RBFOX1: variants seen among roughly 807,000 people sequenced by gnomAD.
The protein encoded by RBFOX1 is RNA binding protein fox-1 homolog 1.
Under a neutral mutation model 57.7 loss-of-function variants are expected in RBFOX1, and 8 were observed. The ratio of observed to expected loss-of-function variants is 0.14; its 90% CI spans 0.08 to 0.25. The LOEUF (loss-of-function observed/expected upper bound fraction) is 0.25, where lower values mean the gene tolerates loss of function less well. Among genes scored for constraint, RBFOX1 ranks in the 10% least tolerant of loss-of-function variants. The pLI, the probability that RBFOX1 is intolerant of heterozygous loss-of-function variation, is 1.00. For missense variants in RBFOX1, 611 were observed against 548.5 expected, an observed-to-expected ratio of 1.11 and a Z score of -1.14; for synonymous variants, 326 against 222.4, an observed-to-expected ratio of 1.47 and a Z score of -4.15.
chr16:6,487,673 TAAAAAAAAAAAAAAAAAAAAAA>T (rs777856402), intron 2 of RBFOX1, among the ~76,000 whole-genome samples: 6 of 38,754 alleles, frequency 1.5e-4, no homozygotes, highest in Admixed American at 2.9e-4. Flanking sequence ...GTGATATATG[TAAAAAAAAAAAAAAAAAAAAAA>T]AAAAAATATA....
intron 4 of RBFOX1, among the ~76,000 whole-genome samples, chr16:7,309,966 A>C (rs1401025416): frequency 2.0e-5 from 3 of 152,184 alleles, no homozygotes; most frequent in Non-Finnish European, 4.4e-5. Context: ...TCCATTCATC[A>C]ATAAAGTTTC....
At chr16:5,273,964 A>C (rs1225340684) in intron 1 of RBFOX1, among the ~76,000 whole-genome samples, 1 of 152,198 alleles carries the variant, frequency 6.6e-6, no homozygotes, top group South Asian at 2.1e-4. Flanking sequence ...CTGAATTTAC[A>C]GAAATAGGAA....
At chr16:7,159,317 T>C (rs72765534) in intron 4 of RBFOX1, among the ~76,000 whole-genome samples, 33,369 of 152,026 alleles carry the variant, frequency 0.22, 4,631 homozygotes, top group East Asian at 0.39. Flanking sequence ...GTCATGCCTA[T>C]CCCAGAGACA....
chr16:5,439,450 C>T (rs889589624), intron 1 of RBFOX1, among the ~76,000 whole-genome samples: 12 of 151,776 alleles, frequency 7.9e-5, no homozygotes, highest in African/African-American at 2.9e-4. Context: ...TCAGCTGTTG[C>T]AGCACTTCCA....
intron 5 of RBFOX1, 85 bp downstream of exon 5, chr16:7,518,474 T>A (rs2076853663): frequency 6.6e-7 from 1 of 1,505,856 alleles, no homozygotes; most frequent in African/African-American, 1.4e-5. Context: ...CACCCCCATC[T>A]ACCCAGGGAC....
At chr16:5,802,719 C>G (rs1278041290) in intron 3 of RBFOX1, among the ~76,000 whole-genome samples, 1 of 152,132 alleles carries the variant, frequency 6.6e-6, no homozygotes, top group Non-Finnish European at 1.5e-5. Context: ...TAACTAAAGC[C>G]CTTCTGGATT....
intron 3 of RBFOX1, among the ~76,000 whole-genome samples, chr16:6,895,444 GTGTGTATATATATATATATATATATA>G (rs1383431233): frequency 5.4e-5 from 4 of 73,458 alleles, no homozygotes; most frequent in Non-Finnish European, 7.6e-5. Context: ...GTGTGTGTGT[GTGTGTATATATATATATATATATATA>G]TATATATATA....
At chr16:6,486,388 A>C (rs1466334666) in intron 2 of RBFOX1, among the ~76,000 whole-genome samples, 1 of 149,856 alleles carries the variant, frequency 6.7e-6, no homozygotes, top group Non-Finnish European at 1.5e-5. Flanking sequence ...TGGTGAAATG[A>C]AAAGTCATCT....
intron 2 of RBFOX1, among the ~76,000 whole-genome samples, chr16:6,630,782 A>G (rs538196056): frequency 1.3e-5 from 2 of 152,184 alleles, no homozygotes; most frequent in South Asian, 2.1e-4. Flanking sequence ...ATTGTAGTTG[A>G]CCTATGTTAC....
At chr16:7,058,676 C>G (rs1172524686) in intron 4 of RBFOX1, among the ~76,000 whole-genome samples, 1 of 152,028 alleles carries the variant, frequency 6.6e-6, no homozygotes, top group East Asian at 1.9e-4. Context: ...AGAAAAGTGT[C>G]TGGAATAAAA....
intron 1 of RBFOX1, among the ~76,000 whole-genome samples, chr16:6,204,396 AC>A (rs2097239273): frequency 6.6e-6 from 1 of 152,094 alleles, no homozygotes; most frequent in Non-Finnish European, 1.5e-5. Context: ...TGGGGAATCC[AC>A]CTTTGTTATG....
At chr16:6,276,827 T>C (rs1183369952) in intron 1 of RBFOX1, among the ~76,000 whole-genome samples, 1 of 152,158 alleles carries the variant, frequency 6.6e-6, no homozygotes, top group East Asian at 1.9e-4. Flanking sequence ...GCTTTTTTTT[T>C]TTTATTAACT....
At chr16:7,587,164 A>G (rs2094173455) in intron 6 of RBFOX1, 83 bp from the exon 7 acceptor site, 1 of 1,317,166 alleles carries the variant, frequency 7.6e-7, no homozygotes, top group Admixed American at 3.1e-5. Context: ...AAAAAAATGG[A>G]CGTGGGAAAC....
Position 6,956,444 on chromosome 16 carries a change from C to G in RBFOX1, c.-15-95613C>G, listed in dbSNP as rs998723374. Among the ~76,000 whole-genome samples, 4 of 152,168 alleles carry G rather than the reference C, an allele frequency of 2.6e-5. No individual in the cohort carries two copies. In the East Asian group the frequency reaches 5.8e-4, roughly 22 times the overall value. On this transcript the variant is annotated intron_variant, in intron 3 of 15. Transcript: ENST00000550418. ...AATACTTGAATTTGTCAAGAGTAAG[C>G]TACATGCTGGGCTTTGTCATCGTCT...
At chr16:6,820,619 AC>A (rs2091109617) in intron 3 of RBFOX1, among the ~76,000 whole-genome samples, 3 of 152,062 alleles carry the variant, frequency 2.0e-5, no homozygotes, top group African/African-American at 7.3e-5. Flanking sequence ...TGATCACACT[AC>A]TACAGTCCAG....
intron 4 of RBFOX1, among the ~76,000 whole-genome samples, chr16:7,291,666 C>G (rs1202298448): frequency 6.6e-6 from 1 of 151,814 alleles, no homozygotes; most frequent in East Asian, 1.9e-4. Context: ...AAAATAGCAG[C>G]AAGGATGGGA....
At chr16:7,687,404 A>T (rs1159889999) in intron 14 of RBFOX1, among the ~76,000 whole-genome samples, 3 of 152,064 alleles carry the variant, frequency 2.0e-5, no homozygotes, top group Non-Finnish European at 2.9e-5. Context: ...CAGTGATTTA[A>T]AGGATATGAG....
At chr16:7,418,998 G>A (rs948316726) in intron 4 of RBFOX1, among the ~76,000 whole-genome samples, 15 of 152,160 alleles carry the variant, frequency 9.9e-5, no homozygotes, top group African/African-American at 2.9e-4. Context: ...TTGACCTCCC[G>A]GGCTCATGCT....
chr16:7,629,068 G>C (rs912805023), intron 10 of RBFOX1, among the ~76,000 whole-genome samples: 1 of 152,200 alleles, frequency 6.6e-6, no homozygotes, highest in Non-Finnish European at 1.5e-5. Context: ...TTTTGCGGGT[G>C]GGGGTGGCTG....
Sources: gnomAD v4.1 joint callset for allele counts (sites outside exome capture counted in the v4.1 genomes callset) on GRCh38, gnomAD v4.1.1 for gene constraint, MANE v1.5 for transcripts, NCBI Gene and HGNC (gene_info 2026-07-23, HGNC 2026-07-21) for gene names.